Variants in VPS35L observed in about 807,000 individuals in gnomAD.
The protein encoded by VPS35L is VPS35 endosomal protein sorting factor like, also known as VPS35 endosomal protein-sorting factor-like.
A neutral mutation model predicts 133.0 loss-of-function variants in VPS35L; 83 were observed. That is an observed-to-expected ratio of 0.62 (90% confidence interval 0.52 to 0.75). The LOEUF (loss-of-function observed/expected upper bound fraction) is 0.75, where lower values mean the gene tolerates loss of function less well. Among genes scored for constraint, VPS35L ranks in the 30% least tolerant of loss-of-function variants. VPS35L has a pLI of 0.00. For synonymous variants in VPS35L, 423 were observed against 449.9 expected, an observed-to-expected ratio of 0.94 and a Z score of 0.76; for missense variants, 1,083 against 1,206.8, an observed-to-expected ratio of 0.90 and a Z score of 1.52.
chr16:19,603,792 C>T (rs780683155), intron 9 of VPS35L, among the ~76,000 whole-genome samples: 6 of 152,200 alleles, frequency 3.9e-5, no homozygotes, highest in South Asian at 2.1e-4. Context: ...AGGGCAATGA[C>T]GCAATCTCAG....
intron 8 of VPS35L, among the ~76,000 whole-genome samples, chr16:19,595,392 C>G (rs995614917): frequency 3.2e-4 from 48 of 152,098 alleles, no homozygotes; most frequent in Admixed American, 2.6e-4. Context: ...TCAAATCATA[C>G]ACTGCTGGTC....
chr16:19,680,851 G>A (rs558574173), intron 27 of VPS35L, among the ~76,000 whole-genome samples: 4 of 152,200 alleles, frequency 2.6e-5, no homozygotes, highest in South Asian at 2.1e-4. Flanking sequence ...AGGCTCCAGC[G>A]AGCTGTGATT....
intron 27 of VPS35L, among the ~76,000 whole-genome samples, chr16:19,674,094 G>A (rs1259795553): frequency 1.3e-5 from 2 of 150,366 alleles, no homozygotes; most frequent in Admixed American, 6.6e-5. Flanking sequence ...GATGGGATGC[G>A]CCACACCTGA....
intron 5 of VPS35L, among the ~76,000 whole-genome samples, chr16:19,576,805 C>A (rs978850668): frequency 4.0e-5 from 6 of 151,580 alleles, no homozygotes; most frequent in Non-Finnish European, 8.8e-5. Context: ...CTCCTGGGTT[C>A]AAGCAATTCT....
chr16:19,676,634 G>A (rs150190589), intron 27 of VPS35L, among the ~76,000 whole-genome samples: 1 of 152,236 alleles, frequency 6.6e-6, no homozygotes, highest in South Asian at 2.1e-4. Flanking sequence ...TAACGATCTC[G>A]GATCCAGCAG....
At chr16:19,629,334 A>T (rs569048652) in intron 17 of VPS35L, among the ~76,000 whole-genome samples, 2 of 152,346 alleles carry the variant, frequency 1.3e-5, no homozygotes, top group South Asian at 4.1e-4. Context: ...AAATCTATTT[A>T]TTATAATTGT....
At chr16:19,569,642 A>T (rs1193182091) in intron 3 of VPS35L, 51 bp downstream of exon 3, 2 of 1,477,630 alleles carry the variant, frequency 1.4e-6, no homozygotes, top group African/African-American at 2.8e-5. Context: ...TTGTGGGTGC[A>T]GGAATGGGTG....
intron 12 of VPS35L, 82 bp downstream of exon 12, chr16:19,610,497 C>T (rs1972681587): frequency 3.0e-6 from 3 of 1,012,568 alleles, no homozygotes; most frequent in Middle Eastern, 2.6e-4. Context: ...TCCTTCCCCA[C>T]CACCCCGCAA....
chr16:19,672,375 C>T (rs1005339492), intron 27 of VPS35L, among the ~76,000 whole-genome samples: 9 of 152,220 alleles, frequency 5.9e-5, no homozygotes, highest in African/African-American at 2.2e-4. Context: ...ATCCAGGTTC[C>T]TTTTTGGGGT....
At chr16:19,638,624 T>C (rs1973693330) in intron 20 of VPS35L, among the ~76,000 whole-genome samples, 2 of 152,188 alleles carry the variant, frequency 1.3e-5, no homozygotes, top group African/African-American at 4.8e-5. Flanking sequence ...AAATAAGTGT[T>C]CTTTGAACAC....
chr16:19,650,725 T>C (rs1974097443), intron 25 of VPS35L, among the ~76,000 whole-genome samples: 1 of 152,198 alleles, frequency 6.6e-6, no homozygotes, highest in African/African-American at 2.4e-5. Context: ...ATGTGCCAGC[T>C]GAATTAGCTT....
chr16:19,581,680 A>ACC, intron 7 of VPS35L, 27 bp downstream of exon 7: 2 of 1,221,560 alleles, frequency 1.6e-6, no homozygotes, highest in African/African-American at 2.6e-5. Context: ...CCCCACCCCC[A>ACC]CCCAGAATTT....
chr16:19,573,298 T>C (rs750730111), intron 4 of VPS35L, 57 bp downstream of exon 4: 8 of 1,550,838 alleles, frequency 5.2e-6, no homozygotes, highest in Non-Finnish European at 6.1e-6. Flanking sequence ...TAATTTCTTT[T>C]TGTTATGTTG....
At chr16:19,691,046 A>G (rs898382106) in intron 28 of VPS35L, among the ~76,000 whole-genome samples, 2 of 152,116 alleles carry the variant, frequency 1.3e-5, no homozygotes, top group African/African-American at 4.8e-5. Context: ...TGAAAGCCCT[A>G]GCCCAGTGCC....
intron 28 of VPS35L, among the ~76,000 whole-genome samples, chr16:19,690,924 T>C (rs2151625791): frequency 6.6e-6 from 1 of 151,144 alleles, no homozygotes; most frequent in East Asian, 2.0e-4. Flanking sequence ...ATCGTGCCAC[T>C]GCACTCCAGC....
chr16:19,681,010 G>T (rs779623415), intron 27 of VPS35L, among the ~76,000 whole-genome samples: 4 of 151,566 alleles, frequency 2.6e-5, no homozygotes, highest in Non-Finnish European at 5.9e-5. Context: ...GAGCTAATGT[G>T]TAAGATGAGA....
At chr16:19,627,280 C>CAA (rs202039256) in intron 15 of VPS35L, among the ~76,000 whole-genome samples, 2 of 109,038 alleles carry the variant, frequency 1.8e-5, no homozygotes, top group Admixed American at 9.3e-5. Context: ...GACTCCATCT[C>CAA]AAAAAAAAAA....
intron 9 of VPS35L, among the ~76,000 whole-genome samples, chr16:19,603,960 G>A (rs1235485985): frequency 6.6e-6 from 1 of 151,998 alleles, no homozygotes; most frequent in African/African-American, 2.4e-5. Context: ...TTCAACTCCT[G>A]ACCTCAGGTG....
chr16:19,600,834 C>G (rs1567412697), intron 8 of VPS35L, among the ~76,000 whole-genome samples: 1 of 152,276 alleles, frequency 6.6e-6, no homozygotes, highest in East Asian at 1.9e-4. Flanking sequence ...TTTGCTCTAG[C>G]TGTGTTATCC....
Sources: allele counts gnomAD v4.1 joint callset (sites outside exome capture counted in the v4.1 genomes callset), GRCh38; gene constraint gnomAD v4.1.1; transcripts MANE v1.5; gene names NCBI Gene and HGNC (gene_info 2026-07-23, HGNC 2026-07-21).